The following GALNT5 variants were observed in gnomAD, a reference collection of about 807,000 sequenced individuals.
GALNT5 encodes UDP-GalNAc:polypeptide N-acetylgalactosaminyltransferase 5.
Under a neutral mutation model 85.4 loss-of-function variants are expected in GALNT5, and 72 were observed. The ratio of observed to expected loss-of-function variants is 0.84; its 90% CI spans 0.70 to 1.03. The LOEUF (loss-of-function observed/expected upper bound fraction) is 1.03. Among genes scored for constraint, GALNT5 ranks in the 50% least tolerant of loss-of-function variants. The pLI, the probability that GALNT5 is intolerant of heterozygous loss-of-function variation, is 0.00. For synonymous variants in GALNT5, 404 were observed against 397.0 expected (o/e 1.02, Z -0.21); for missense variants, 1,137 against 1,135.5 (o/e 1.00, Z -0.02).
At chr2:157,294,784 CCA>C (rs60607353) in intron 3 of GALNT5, among the ~76,000 whole-genome samples, 5,574 of 146,916 alleles carry the variant, frequency 0.038, 269 homozygotes, top group African/African-American at 0.11. Context: ...TCACATCACA[CCA>C]CACACACACA....
rs1292419409 is a variant in GALNT5, at chr2:157,300,750, A to C, written c.2190A>C (p.Pro730=). Reference sequence around the variant, plus strand: ...GCCATATATTCAGAAATGACAATCCATATTCCTTCCCCAAAGACCGGATGA... The same window carrying C: ...GCCATATATTCAGAAATGACAATCCCTATTCCTTCCCCAAAGACCGGATGA... ...RVGHIFRNDN[P]YSFPKDRMKT... Residue 730 remains proline (P), a synonymous_variant, in exon 7 of 10, where the codon CCA becomes CCC. Coordinates refer to ENST00000259056, the MANE Select transcript of GALNT5 (RefSeq NM_014568.3). 10 of 1,614,102 alleles carry C rather than the reference A, an allele frequency of 6.2e-6. No individual in the cohort carries two copies. In the East Asian group the frequency reaches 2.0e-4, roughly 32 times the overall value.
chr2:157,284,715 C>G (rs896573871), intron 2 of GALNT5, among the ~76,000 whole-genome samples: 2 of 152,162 alleles, frequency 1.3e-5, no homozygotes, highest in Non-Finnish European at 1.5e-5. Context: ...GAGATGGGCA[C>G]TTAGAAGTAG....
chr2:157,280,995 T>G (rs1383251009), intron 1 of GALNT5, among the ~76,000 whole-genome samples: 1 of 152,210 alleles, frequency 6.6e-6, no homozygotes, highest in Non-Finnish European at 1.5e-5. Context: ...CTGTACAGCC[T>G]GCAGAACCGT....
chr2:157,307,925 T>C (rs565415081), intron 8 of GALNT5, among the ~76,000 whole-genome samples: 217 of 152,314 alleles, frequency 1.4e-3, no homozygotes, highest in African/African-American at 5.1e-3. Flanking sequence ...GAATTGGTAC[T>C]TATTTTAGAC....
chr2:157,286,745 G>A (rs1243747178), intron 3 of GALNT5, among the ~76,000 whole-genome samples: 2 of 151,966 alleles, frequency 1.3e-5, no homozygotes, highest in South Asian at 2.1e-4. Flanking sequence ...CTCGTGATCC[G>A]CCCGCCTCGG....
intron 2 of GALNT5, among the ~76,000 whole-genome samples, chr2:157,285,614 CA>C (rs1297389275): frequency 6.6e-6 from 1 of 152,154 alleles, no homozygotes; most frequent in Non-Finnish European, 1.5e-5. Flanking sequence ...CTTATTTGCA[CA>C]CATTGTTTAG....
At chr2:157,265,925 A>G (rs779638191) in intron 1 of GALNT5, among the ~76,000 whole-genome samples, 2 of 152,226 alleles carry the variant, frequency 1.3e-5, no homozygotes, top group Non-Finnish European at 2.9e-5. Context: ...TGTGAGAAGC[A>G]GCAATATGAG....
At chr2:157,282,866 C>T (rs1226658954) in intron 1 of GALNT5, among the ~76,000 whole-genome samples, 2 of 152,160 alleles carry the variant, frequency 1.3e-5, no homozygotes, top group Admixed American at 6.5e-5. Flanking sequence ...GTATCTCAAG[C>T]AGTTGTTATG....
intron 2 of GALNT5, among the ~76,000 whole-genome samples, chr2:157,285,685 A>G (rs1574023744): frequency 1.3e-5 from 2 of 152,274 alleles, no homozygotes; most frequent in East Asian, 3.9e-4. Flanking sequence ...GTAGAGGCAG[A>G]ATTGTGCAGA....
intron 1 of GALNT5, among the ~76,000 whole-genome samples, chr2:157,279,857 A>G (rs1430900492): frequency 6.6e-6 from 1 of 152,234 alleles, no homozygotes; most frequent in Non-Finnish European, 1.5e-5. Flanking sequence ...GAGATGAACC[A>G]GGTACCTCAG....
chr2:157,299,094 T>TCAGC (rs1267638423), intron 5 of GALNT5: 1 of 157,320 alleles, frequency 6.4e-6, no homozygotes, highest in East Asian at 1.9e-4. Context: ...GCCAGCTAGA[T>TCAGC]CAGCCGAATC....
chr2:157,288,287 C>A (rs1444241930), intron 3 of GALNT5, among the ~76,000 whole-genome samples: 1 of 152,212 alleles, frequency 6.6e-6, no homozygotes, highest in Non-Finnish European at 1.5e-5. Flanking sequence ...AAATACATCA[C>A]ACCAAAATTG....
chr2:157,281,701 G>GT (rs1682858012), intron 1 of GALNT5, among the ~76,000 whole-genome samples: 2 of 152,202 alleles, frequency 1.3e-5, no homozygotes, highest in African/African-American at 2.4e-5. Flanking sequence ...TATGAGCATT[G>GT]TAAGTACTTC....
chr2:157,309,918 G>A (rs1235759587), intron 9 of GALNT5, among the ~76,000 whole-genome samples: 3 of 152,060 alleles, frequency 2.0e-5, no homozygotes, highest in African/African-American at 7.2e-5. Context: ...CCATAAACAT[G>A]CAGTGTAGTG....
intron 1 of GALNT5, among the ~76,000 whole-genome samples, chr2:157,261,905 A>G (rs1226941643): frequency 6.6e-6 from 1 of 152,138 alleles, no homozygotes; most frequent in Non-Finnish European, 1.5e-5. Flanking sequence ...AATGCATGCA[A>G]TAAGATTTTT....
Position 157,316,198 on chromosome 2 carries a change from T to A in GALNT5, c.*4850T>A, listed in dbSNP as rs1038345855. On this transcript the variant is annotated 3_prime_UTR_variant, in exon 10 of 10. Coordinates refer to ENST00000259056, the MANE Select transcript of GALNT5 (RefSeq NM_014568.3). Reference sequence around the variant, plus strand: ...AGGGAGCAGGAATCACCATATTGAATGTGCCTGGCTTCCAGGTACAGCTGC... The same window carrying A: ...AGGGAGCAGGAATCACCATATTGAAAGTGCCTGGCTTCCAGGTACAGCTGC... 6.6e-6 allele frequency among the ~76,000 whole-genome samples: 1 copy of A among 152,118 alleles called. No individual in the cohort carries two copies. Among genetic ancestry groups the A allele is most frequent in the Non-Finnish European group, 1.5e-5 (1 of 68,036 alleles).
intron 8 of GALNT5, among the ~76,000 whole-genome samples, chr2:157,307,949 C>G (rs774063179): frequency 1.3e-5 from 2 of 152,170 alleles, no homozygotes; most frequent in African/African-American, 2.4e-5. Context: ...GGCAATTTCT[C>G]CAAGAGCAGT....
chr2:157,294,773 A>G (rs1185772855), intron 3 of GALNT5, among the ~76,000 whole-genome samples: 3 of 122,582 alleles, frequency 2.4e-5, no homozygotes, highest in Non-Finnish European at 1.7e-5. Flanking sequence ...TCACACACAC[A>G]TCACATCACA....
In GALNT5 at chr2:157,286,737, C is replaced by T. The variant is rs188861705; in HGVS notation, c.1741+603C>T. On this transcript the variant is annotated intron_variant, in intron 3 of 9. Transcript: ENST00000259056. ...CCAGGATGGTCTCGACTCCTGAACT[C>T]GTGATCCGCCCGCCTCGGCCTCCCA... Among the ~76,000 whole-genome samples, 1,429 of 152,162 alleles carry T rather than the reference C, an allele frequency of 9.4e-3. 23 individuals are homozygous for T. The highest frequency in any genetic ancestry group is 0.032 in the African/African-American group (1,346 of 41,514).
Sources: gnomAD v4.1 joint callset for allele counts (sites outside exome capture counted in the v4.1 genomes callset) on GRCh38, gnomAD v4.1.1 for gene constraint, MANE v1.5 for transcripts, NCBI Gene and HGNC (gene_info 2026-07-23, HGNC 2026-07-21) for gene names.